GMPS: variants seen among roughly 807,000 people sequenced by gnomAD.
GMPS encodes the protein GMP synthase [glutamine-hydrolyzing].
In GMPS, 15 loss-of-function variants were observed where a neutral mutation model predicts 77.9. The ratio of observed to expected loss-of-function variants is 0.19; its 90% CI spans 0.13 to 0.30. The LOEUF (loss-of-function observed/expected upper bound fraction) is 0.30. Ranked by LOEUF, GMPS falls within the 10% of genes least tolerant of loss-of-function variation. GMPS has a pLI of 1.00. For synonymous variants in GMPS, 224 were observed against 275.9 expected, an observed-to-expected ratio of 0.81 and a Z score of 1.86; for missense variants, 590 against 838.8, an observed-to-expected ratio of 0.70 and a Z score of 3.66.
At chr3:155,928,852 C>G (rs1210993288) in intron 12 of GMPS, among the ~76,000 whole-genome samples, 2 of 151,726 alleles carry the variant, frequency 1.3e-5, no homozygotes, top group African/African-American at 4.8e-5. Flanking sequence ...CATGTCCTTA[C>G]AAAGGACATG....
In GMPS at chr3:155,914,434, A is replaced by G. The variant is rs761028631; in HGVS notation, c.902A>G (p.His301Arg). ...GIQVKVINAA[H>R]SFYNGTTTLP... is the part of the protein sequence containing the mutation. The stretch of plus-strand genomic sequence containing the variant: ...TTTCCTCCAGTGATAAATGCTGCTC[A>G]TTCTTTCTACAATGGAACAACAACC... The change falls in exon 8 of 16, where the codon CAT (histidine) becomes CGT (arginine). Residue 301 changes from histidine to arginine, a missense_variant. Transcript: ENST00000496455. 2 of 1,570,010 alleles carry G rather than the reference A, an allele frequency of 1.3e-6. No individual in the cohort carries two copies. Among genetic ancestry groups the G allele is most frequent in the Non-Finnish European group, 1.7e-6 (2 of 1,164,228 alleles).
At chr3:155,879,876 G>A (rs1327363994) in intron 1 of GMPS, among the ~76,000 whole-genome samples, 1 of 151,284 alleles carries the variant, frequency 6.6e-6, no homozygotes, top group Non-Finnish European at 1.5e-5. Context: ...GATTTCAGGC[G>A]CCTGCCACCA....
chr3:155,931,899 A>G lies in GMPS; in HGVS notation c.1676+19A>G, dbSNP rs1755633784. ...TTAACAGGTGTGTTTCACAGGAGCT[A>G]GGGTGGGGGCTTGTGTAATGGAAGG... On this transcript the variant is annotated intron_variant, in intron 13 of 15. Coordinates refer to ENST00000496455, the MANE Select transcript of GMPS (RefSeq NM_003875.3). 9.1e-7 allele frequency: 1 copy of G among 1,095,350 alleles called. No homozygotes were observed. Among genetic ancestry groups the G allele is most frequent in the East Asian group, 2.4e-5 (1 of 42,292 alleles). 67.9% of individuals were successfully genotyped at this position (1,095,350 alleles called of 1,614,324 possible).
chr3:155,874,906 T>C lies in GMPS; in HGVS notation c.27+4009T>C, dbSNP rs1014152989. On this transcript the variant is annotated intron_variant, in intron 1 of 15. Transcript: ENST00000496455. Reference sequence around the variant, plus strand: ...ACATTCTTAAACTTTGTTTTCTTTTTTTTTTTTTTTTTTTTTTTTGAGACA... The same window carrying C: ...ACATTCTTAAACTTTGTTTTCTTTTCTTTTTTTTTTTTTTTTTTTGAGACA... Among the ~76,000 whole-genome samples, 218 of 138,324 alleles carry C rather than the reference T, an allele frequency of 1.6e-3. 2 individuals carry two copies. The highest frequency in any genetic ancestry group is 1.7e-3 in the Non-Finnish European group (109 of 64,240). 90.7% of individuals were successfully genotyped at this position (138,324 alleles called of 152,430 possible). A position where few individuals can be genotyped will look rare whatever the true frequency, so the allele number is the denominator to read the frequency against.
intron 14 of GMPS, among the ~76,000 whole-genome samples, chr3:155,935,827 A>G (rs1375414867): frequency 1.3e-5 from 2 of 152,216 alleles, no homozygotes. Flanking sequence ...TGTGTTAGAT[A>G]AACTTCATTC....
In GMPS at chr3:155,870,798, C is replaced by G; in HGVS notation, c.-73C>G. Reference sequence around the variant, plus strand: ...TCCTTCTCAACCTCAGCCCGCGGCGCCGACCCTTCCGGCACCCTCCCGCCC... The same window carrying G: ...TCCTTCTCAACCTCAGCCCGCGGCGGCGACCCTTCCGGCACCCTCCCGCCC... On this transcript the variant is annotated 5_prime_UTR_variant, in exon 1 of 16. Coordinates refer to ENST00000496455, the MANE Select transcript of GMPS (RefSeq NM_003875.3). 4 of 1,051,780 alleles carry G rather than the reference C, an allele frequency of 3.8e-6. No individual in the cohort carries two copies. Among genetic ancestry groups the G allele is most frequent in the Non-Finnish European group, 5.5e-6 (4 of 721,156 alleles). The allele number at this position is 1,051,780 out of a possible 1,614,324, so 65.2% of individuals were successfully genotyped here. A position where few individuals can be genotyped will look rare whatever the true frequency, so the allele number is the denominator to read the frequency against.
chr3:155,931,982 A>G, intron 13 of GMPS, 102 bp downstream of exon 13: 1 of 615,726 alleles, frequency 1.6e-6, no homozygotes, highest in Middle Eastern at 2.7e-4. Context: ...ATGTAGATAT[A>G]GGTAGGTCAT....
At position 155,903,935 on chromosome 3, in the gene GMPS, G is replaced by T. The variant is rs1754797510; in HGVS notation, c.397G>T (p.Val133Leu). The change falls in exon 4 of 16, where the codon GTG becomes TTG. Residue 133 changes from valine (V) to leucine (L), a missense_variant. By Grantham distance (32) the Val-to-Leu change is conservative. Coordinates refer to ENST00000496455, the MANE Select transcript of GMPS (RefSeq NM_003875.3). ...VREDGVFNISVDNTCSLFRGL... is the reference protein window; with the variant it reads ...VREDGVFNISLDNTCSLFRGL... ...AGAAGATGGAGTTTTCAACATTAGT[G>T]TGGATAATACATGTTCATTATTCAG... is the stretch of plus-strand genomic sequence containing the variant. The T allele has an allele frequency of 2.0e-6, 3 of 1,488,140 alleles. No individual in the cohort carries two copies. The highest frequency in any genetic ancestry group is 2.8e-6 in the Non-Finnish European group (3 of 1,080,318). 92.2% of individuals were successfully genotyped at this position (1,488,140 alleles called of 1,614,324 possible). A position where few individuals can be genotyped will look rare whatever the true frequency, so the allele number is the denominator to read the frequency against.
intron 1 of GMPS, among the ~76,000 whole-genome samples, chr3:155,878,925 T>G (rs1560034950): frequency 6.6e-6 from 1 of 151,464 alleles, no homozygotes; most frequent in Non-Finnish European, 1.5e-5. Flanking sequence ...GATGGGAGAG[T>G]GGCTGCTGGT....
At chr3:155,930,983 G>T (rs1031915366) in intron 12 of GMPS, among the ~76,000 whole-genome samples, 5 of 151,800 alleles carry the variant, frequency 3.3e-5, no homozygotes, top group African/African-American at 1.2e-4. Context: ...CCACCACACT[G>T]CCCAGCTAAT....
chr3:155,870,789 C>T lies in GMPS; in HGVS notation c.-82C>T. 1 of 951,502 alleles carries T rather than the reference C, an allele frequency of 1.1e-6. No individual in the cohort carries two copies. Among genetic ancestry groups the T allele is most frequent in the Non-Finnish European group, 1.6e-6 (1 of 631,548 alleles). 58.9% of individuals were successfully genotyped at this position (951,502 alleles called of 1,614,324 possible). A position where few individuals can be genotyped will look rare whatever the true frequency, so the allele number is the denominator to read the frequency against. ...GACCAGGCCTCCTTCTCAACCTCAGCCCGCGGCGCCGACCCTTCCGGCACC... is the reference window on the plus strand; with the variant it reads ...GACCAGGCCTCCTTCTCAACCTCAGTCCGCGGCGCCGACCCTTCCGGCACC... On this transcript the variant is annotated 5_prime_UTR_variant, in exon 1 of 16. Transcript: ENST00000496455.
At chr3:155,902,147 T>A (rs1330599558) in intron 3 of GMPS, among the ~76,000 whole-genome samples, 1 of 152,184 alleles carries the variant, frequency 6.6e-6, no homozygotes, top group Non-Finnish European at 1.5e-5. Context: ...CCACATACTT[T>A]GCTAGGGCCC....
rs1167341737 is a variant in GMPS at position 155,931,259 on chromosome 3, C to T, written c.1561-506C>T. On this transcript the variant is annotated intron_variant, in intron 12 of 15. Coordinates refer to ENST00000496455, the MANE Select transcript of GMPS (RefSeq NM_003875.3). Reference sequence around the variant, plus strand: ...AGTGCAGTGATACGATCTCTCAGCTCACTGCAACCTCCACCTCCCAGGATC... The same window carrying T: ...AGTGCAGTGATACGATCTCTCAGCTTACTGCAACCTCCACCTCCCAGGATC... 2.0e-5 allele frequency among the ~76,000 whole-genome samples: 3 copies of T among 151,680 alleles called. No homozygotes were observed. The East Asian group carries it at 5.8e-4, about 29-fold the overall frequency.
intron 1 of GMPS, among the ~76,000 whole-genome samples, chr3:155,889,132 C>T (rs1001244854): frequency 3.9e-5 from 6 of 152,164 alleles, no homozygotes; most frequent in Admixed American, 3.3e-4. Context: ...GGAAGCTAGT[C>T]AAGATAACGT....
rs61750367 is a variant in GMPS, at chr3:155,898,048, C to T, written c.324+7C>T. On this transcript the variant is annotated splice_region_variant and intron_variant, in intron 3 of 15. Transcript: ENST00000496455. ...AATTTGCTATGGTATGCAGGTATGT[C>T]AGCAAATTTGTTTTGAAAGCTTACT... The T allele has an allele frequency of 0.015, 20,672 of 1,385,138 alleles. 217 individuals carry two copies. The highest frequency in any genetic ancestry group is 0.019 in the Non-Finnish European group (18,407 of 971,184). The allele number at this position is 1,385,138 out of a possible 1,614,324, so 85.8% of individuals were successfully genotyped here.
chr3:155,924,817 C>T (rs1577530877), intron 11 of GMPS, among the ~76,000 whole-genome samples: 1 of 151,782 alleles, frequency 6.6e-6, no homozygotes, highest in African/African-American at 2.4e-5. Context: ...ATAGTCTATT[C>T]ACAACAGGCA....
chr3:155,922,873 ATAATTT>A (rs753175439), intron 11 of GMPS, among the ~76,000 whole-genome samples: 11 of 152,334 alleles, frequency 7.2e-5, no homozygotes, highest in Non-Finnish European at 1.5e-4. Context: ...TTGCAACGAA[ATAATTT>A]TAAAGTGGAT....
At chr3:155,887,156 G>T (rs1754357289) in intron 1 of GMPS, among the ~76,000 whole-genome samples, 1 of 152,184 alleles carries the variant, frequency 6.6e-6, no homozygotes, top group African/African-American at 2.4e-5. Context: ...AATTTTAAAA[G>T]AGCAGTTTGG....
intron 1 of GMPS, among the ~76,000 whole-genome samples, chr3:155,875,525 C>T (rs936254950): frequency 5.9e-5 from 9 of 152,214 alleles, no homozygotes; most frequent in South Asian, 2.1e-4. Context: ...CCATTGTGTC[C>T]GGCCCTGGCC....
Sources: gnomAD v4.1 joint callset for allele counts (sites outside exome capture counted in the v4.1 genomes callset) on GRCh38, gnomAD v4.1.1 for gene constraint, MANE v1.5 for transcripts, NCBI Gene and HGNC (gene_info 2026-07-23, HGNC 2026-07-21) for gene names.